Variants in SZT2 observed in about 807,000 individuals in gnomAD.
The protein encoded by SZT2 is KICSTOR complex protein SZT2.
A neutral mutation model predicts 404.2 loss-of-function variants in SZT2; 216 were observed. The observed-to-expected ratio is 0.53, with a 90% CI of 0.48 to 0.60. The LOEUF (loss-of-function observed/expected upper bound fraction) is 0.60. Among genes scored for constraint, SZT2 ranks in the 20% least tolerant of loss-of-function variants. SZT2 has a pLI of 0.00. For synonymous variants in SZT2, 1,693 were observed against 1,749.9 expected (o/e 0.97, Z 0.81); for missense variants, 3,857 against 4,459.2 (o/e 0.86, Z 3.85).
intron 7 of SZT2, among the ~76,000 whole-genome samples, 153 bp from the exon 8 acceptor site, chr1:43,419,581 A>G (rs1557539047): frequency 6.6e-6 from 1 of 152,230 alleles, no homozygotes. Flanking sequence ...GGAAAGACAC[A>G]GACAGTGGTC....
In SZT2 at chr1:43,434,457, T is replaced by G. The variant is rs141053867; in HGVS notation, c.5876T>G (p.Val1959Gly). ...CTGCAGCAGCTCCTGGTGAGGCGAG[T>G]TGGGGAGATCTGCAGGGAGGTCAAC... ...RHLQQLLVRR[V>G]GEICREVNQR... is the part of the protein sequence containing the mutation. Residue 1959 changes from valine to glycine, a missense_variant, in exon 41 of 72, where the codon GTT (valine) becomes GGT (glycine). Physicochemically the swap from Val to Gly is moderately radical, Grantham distance 109. Around this residue, in one of 7 missense-constraint regions of SZT2, gnomAD observed 1,725 missense variants for 1,881.0 expected, o/e 0.92. Coordinates refer to ENST00000634258, the MANE Select transcript of SZT2 (RefSeq NM_001365999.1). 1.9e-6 allele frequency: 3 copies of G among 1,597,052 alleles called. No individual in the cohort carries two copies. The highest frequency in any genetic ancestry group is 2.7e-5 in the African/African-American group (2 of 74,752).
At chr1:43,427,948 T>C in intron 26 of SZT2, 55 bp from the exon 27 acceptor site, 2 of 1,495,148 alleles carry the variant, frequency 1.3e-6, no homozygotes, top group African/African-American at 1.4e-5. Context: ...GGCTAATGAG[T>C]GTGAGGTATC....
At position 43,439,893 on chromosome 1, in the gene SZT2, C is replaced by A; in HGVS notation, c.7055C>A (p.Ala2352Asp). The A allele has an allele frequency of 6.3e-7, 1 of 1,596,694 alleles. No homozygotes were observed. Among genetic ancestry groups the A allele is most frequent in the Non-Finnish European group, 8.5e-7 (1 of 1,171,136 alleles). Residue 2352 changes from alanine to aspartate, a missense_variant, in exon 51 of 72, where the codon GCC becomes GAC. By Grantham distance (126) the Ala-to-Asp change is moderately radical. This residue lies in a region of SZT2 where 573 missense variants were observed against 592.4 expected (regional missense o/e 0.97). Transcript: ENST00000634258. The surrounding 1 kb of genome is among the most constrained non-coding windows in gnomAD (Gnocchi z 4.2). Reference sequence around the variant, plus strand: ...GTTCTCCTTCCAGCTCAGAATGGGGCCCCACGGCTTCGATTGGATGTGTGG... The same window carrying A: ...GTTCTCCTTCCAGCTCAGAATGGGGACCCACGGCTTCGATTGGATGTGTGG... The part of the protein sequence containing the change: ...VVDSSSAQNG[A>D]PRLRLDVWEK...
chr1:43,448,236 G>A lies in SZT2; in HGVS notation c.9721G>A (p.Ala3241Thr). 2 of 1,598,682 alleles carry A rather than the reference G, an allele frequency of 1.3e-6. No homozygotes were observed. The highest frequency in any genetic ancestry group is 1.7e-6 in the Non-Finnish European group (2 of 1,172,830). ...TGGGGAGGCCTCAGGGCTTATTCTA[G>A]CGCCTGGACCGGCTCCTCTGTTCCC... ...SPGEASGLILAPGPAPLFPPL... is the reference protein window; with the variant it reads ...SPGEASGLILTPGPAPLFPPL... The change falls in exon 69 of 72, where the codon GCG (alanine) becomes ACG (threonine). Residue 3241 changes from alanine to threonine, a missense_variant. By Grantham distance (58) the Ala-to-Thr change is moderately conservative. This residue lies in a region of SZT2 where 717 missense variants were observed against 868.2 expected (regional missense o/e 0.83). Transcript: ENST00000634258. This position sits in a 1 kb window ranked among gnomAD's most constrained non-coding sequence, Gnocchi z 4.2.
chr1:43,424,496 T>A lies in SZT2; in HGVS notation c.2471+64T>A. 1 of 1,517,706 alleles carries A rather than the reference T, an allele frequency of 6.6e-7. No homozygotes were observed. Among genetic ancestry groups the A allele is most frequent in the Admixed American group, 1.7e-5 (1 of 57,894 alleles). The allele number at this position is 1,517,706 out of a possible 1,614,324, so 94.0% of individuals were successfully genotyped here. A position where few individuals can be genotyped will look rare whatever the true frequency, so the allele number is the denominator to read the frequency against. ...AGAGAGCAAGTGTAGACTGGGACAC[T>A]AGCAAAAAGCCTATAGCACACACTT... On this transcript the variant is annotated intron_variant, in intron 16 of 71. Coordinates refer to ENST00000634258, the MANE Select transcript of SZT2 (RefSeq NM_001365999.1). The surrounding 1 kb of genome is among the most constrained non-coding windows in gnomAD (Gnocchi z 4.1).
chr1:43,403,811 G>T (rs773665931), intron 3 of SZT2, 37 bp downstream of exon 3: 2 of 1,605,876 alleles, frequency 1.2e-6, no homozygotes, highest in Non-Finnish European at 1.7e-6. Context: ...AAGAAAGGAT[G>T]GGGTGGGGTG....
Position 43,425,157 on chromosome 1 carries a change from T to C in SZT2, c.2595T>C (p.Cys865=). The C allele has an allele frequency of 1.2e-6, 2 of 1,614,118 alleles. No homozygotes were observed. The highest frequency in any genetic ancestry group is 1.6e-4 in the Middle Eastern group (1 of 6,062). The change falls in exon 18 of 72, where the codon TGT becomes TGC. Residue 865 remains cysteine, a synonymous_variant. Coordinates refer to ENST00000634258, the MANE Select transcript of SZT2 (RefSeq NM_001365999.1). This position sits in a 1 kb window ranked among gnomAD's most constrained non-coding sequence, Gnocchi z 4.3. ...GQAAAEEKHT[C]VVQYILFPPH... is the part of the protein sequence containing the mutation. ...CTGCAGCTGAAGAGAAGCACACCTG[T>C]GTTGTCCAGTACATCCTCTTCCCCC...
In SZT2 at chr1:43,453,730, C is replaced by T; in HGVS notation, c.*3250C>T. 3 of 1,386,806 alleles carry T rather than the reference C, an allele frequency of 2.2e-6. No homozygotes were observed. Among genetic ancestry groups the T allele is most frequent in the Non-Finnish European group, 2.8e-6 (3 of 1,082,214 alleles). The allele number at this position is 1,386,806 out of a possible 1,614,324, so 85.9% of individuals were successfully genotyped here. On this transcript the variant is annotated 3_prime_UTR_variant, in exon 72 of 72. Coordinates refer to ENST00000634258, the MANE Select transcript of SZT2 (RefSeq NM_001365999.1). ...GAGCTGCCCGCGGCCCGCACCCGCG[C>T]GGGGAGGCCGGAGAGCTCGGGGAAT...
intron 1 of SZT2, chr1:43,394,100 A>C: frequency 1.0e-6 from 1 of 984,908 alleles, no homozygotes; most frequent in Non-Finnish European, 1.2e-6. Flanking sequence ...TTGAAGCTCC[A>C]TGTGAGTGTG....
rs1156275054 is a variant in SZT2 at position 43,453,012 on chromosome 1, A to G, written c.*2532A>G. ...ATCAAGCAATGCCCACTCCTTGAAG[A>G]CAGTCCAAGCATCACTACCTGTAAG... is the stretch of plus-strand genomic sequence containing the variant. On this transcript the variant is annotated 3_prime_UTR_variant, in exon 72 of 72. Transcript: ENST00000634258. The G allele has an allele frequency of 2.6e-6, 4 of 1,520,730 alleles. No individual in the cohort carries two copies. The highest frequency in any genetic ancestry group is 3.6e-6 in the Non-Finnish European group (4 of 1,100,802). 94.2% of individuals were successfully genotyped at this position (1,520,730 alleles called of 1,614,324 possible).
chr1:43,389,977 G>A lies in SZT2; in HGVS notation c.9G>A (p.Ser3=), dbSNP rs1648069807. The change falls in exon 1 of 72, where the codon TCG becomes TCA. Residue 3 remains serine (S), a synonymous_variant. Coordinates refer to ENST00000634258, the MANE Select transcript of SZT2 (RefSeq NM_001365999.1). MA[S]ERPEPEVEEA... is the part of the protein sequence containing the mutation. ...CGCGGGAGGGCTGTGTGATGGCCTC[G>A]GAGCGCCCGGAGCCGGAGGTGAGGG... The A allele has an allele frequency of 7.2e-7, 1 of 1,397,808 alleles. No individual in the cohort carries two copies. Among genetic ancestry groups the A allele is most frequent in the South Asian group, 1.5e-5 (1 of 65,836 alleles). The allele number at this position is 1,397,808 out of a possible 1,614,324, so 86.6% of individuals were successfully genotyped here.
At chr1:43,429,376 A>C in intron 28 of SZT2, 1 of 250,174 alleles carries the variant, frequency 4.0e-6, no homozygotes, top group Non-Finnish European at 7.9e-6. Flanking sequence ...CTACAAAAGA[A>C]TTTAAAAATT....
At chr1:43,438,641 A>G (rs773951430) in intron 46 of SZT2, 58 bp from the exon 47 acceptor site, 19 of 1,521,044 alleles carry the variant, frequency 1.2e-5, no homozygotes, top group East Asian at 1.1e-4. Flanking sequence ...TAGGGCTGCT[A>G]TGGAGGTAGC....
chr1:43,419,321 T>G (rs1029924064), intron 7 of SZT2, among the ~76,000 whole-genome samples: 2 of 152,366 alleles, frequency 1.3e-5, no homozygotes, highest in South Asian at 4.1e-4. Flanking sequence ...GAAAGCTTGT[T>G]TGAAATGCAG....
chr1:43,398,554 A>G (rs892059243), intron 1 of SZT2, among the ~76,000 whole-genome samples: 2 of 152,184 alleles, frequency 1.3e-5, no homozygotes, highest in Admixed American at 6.5e-5. Flanking sequence ...TATCCCACCC[A>G]CACTAGCTAA....
Position 43,439,457 on chromosome 1 carries a change from A to G in SZT2, c.6877+15A>G, listed in dbSNP as rs375863177. 1.0e-5 allele frequency: 16 copies of G among 1,604,590 alleles called. No individual in the cohort carries two copies. The highest frequency in any genetic ancestry group is 1.3e-5 in the African/African-American group (1 of 74,760). On this transcript the variant is annotated intron_variant, in intron 49 of 71. Coordinates refer to ENST00000634258, the MANE Select transcript of SZT2 (RefSeq NM_001365999.1). This position sits in a 1 kb window ranked among gnomAD's most constrained non-coding sequence, Gnocchi z 4.2. ...TGGGGGCAAAGGTACGGTGCAGGGC[A>G]CGGGCCTGTGGCACCACCAGGTGAG...
chr1:43,392,224 AT>A (rs772335194), intron 1 of SZT2, among the ~76,000 whole-genome samples: 4 of 151,516 alleles, frequency 2.6e-5, no homozygotes, highest in Non-Finnish European at 4.4e-5. Context: ...GATATTTAAC[AT>A]TTTTTTTGGT....
chr1:43,412,591 A>G (rs987165847), intron 4 of SZT2: 1 of 152,202 alleles, frequency 6.6e-6, no homozygotes, highest in Non-Finnish European at 1.5e-5. Context: ...TGGCTCAAAG[A>G]TTTATTGATA....
At position 43,439,130 on chromosome 1, in the gene SZT2, A is replaced by G; in HGVS notation, c.6792+37A>G. 1 of 1,612,422 alleles carries G rather than the reference A, an allele frequency of 6.2e-7. No homozygotes were observed. Among genetic ancestry groups the G allele is most frequent in the South Asian group, 1.1e-5 (1 of 91,010 alleles). ...CTCATCTCTCTCCACACTCATGTGCACCCCTGCCCCCTGCCCCACGCACTT... is the reference window on the plus strand; with the variant it reads ...CTCATCTCTCTCCACACTCATGTGCGCCCCTGCCCCCTGCCCCACGCACTT... On this transcript the variant is annotated intron_variant, in intron 48 of 71. Coordinates refer to ENST00000634258, the MANE Select transcript of SZT2 (RefSeq NM_001365999.1). This position sits in a 1 kb window ranked among gnomAD's most constrained non-coding sequence, Gnocchi z 4.2.
Sources: gnomAD v4.1 joint callset for allele counts (sites outside exome capture counted in the v4.1 genomes callset) on GRCh38, gnomAD v4.1.1 for gene constraint, gnomAD v4.1.1 regional missense constraint, Gnocchi (gnomAD v3.1) non-coding constraint, MANE v1.5 for transcripts, NCBI Gene and HGNC (gene_info 2026-07-23, HGNC 2026-07-21) for gene names.